SOX5: variants seen among roughly 807,000 people sequenced by gnomAD.
SOX5 encodes SRY-box transcription factor 5, also known as transcription factor SOX-5.
SOX5 carries 9 observed loss-of-function variants against 92.0 expected under a neutral mutation model. The observed-to-expected ratio is 0.10, with a 90% CI of 0.06 to 0.17. SOX5 has a LOEUF of 0.17. Among genes scored for constraint, SOX5 ranks in the 10% least tolerant of loss-of-function variants. The pLI, the probability that SOX5 is intolerant of heterozygous loss-of-function variation, is 1.00. For synonymous variants in SOX5, 344 were observed against 336.3 expected (o/e 1.02, Z -0.25); for missense variants, 642 against 944.5 (o/e 0.68, Z 4.20).
At position 23,534,667 on chromosome 12, in the gene SOX5, C is replaced by T. The variant is rs573245637; in HGVS notation, c.1989-145G>A. 1.6e-5 allele frequency: 10 copies of T among 624,220 alleles called. No individual in the cohort carries two copies. In the African/African-American group the frequency reaches 1.9e-4, roughly 12 times the overall value. 38.7% of individuals were successfully genotyped at this position (624,220 alleles called of 1,614,324 possible). On this transcript the variant is annotated intron_variant, in intron 14 of 14. Transcript: ENST00000451604. Reference sequence around the variant, plus strand: ...TGCCTAACATTTTTCAAACTCCATCCTACTTGAACTTTAATACCTTGTTTT... The same window carrying T: ...TGCCTAACATTTTTCAAACTCCATCTTACTTGAACTTTAATACCTTGTTTT...
chr12:24,384,020 T>C (rs770111745), intron 1 of SOX5, among the ~76,000 whole-genome samples: 79 of 152,162 alleles, frequency 5.2e-4, no homozygotes, highest in Admixed American at 1.9e-3. Flanking sequence ...CCCCCTTTGC[T>C]TGGCACTTCT....
At chr12:23,675,260 T>A (rs1371948050) in intron 6 of SOX5, among the ~76,000 whole-genome samples, 1 of 152,218 alleles carries the variant, frequency 6.6e-6, no homozygotes, top group Non-Finnish European at 1.5e-5. Flanking sequence ...ATCTTGCCTA[T>A]GTTGGTTTGC....
chr12:23,818,954 A>G lies in SOX5; in HGVS notation c.481+27029T>C, dbSNP rs77613472. Among the ~76,000 whole-genome samples the G allele has an allele frequency of 2.4e-3, 358 of 152,316 alleles. 4 individuals are homozygous for G. Among genetic ancestry groups the G allele is most frequent in the African/African-American group, 8.3e-3 (344 of 41,564 alleles). On this transcript the variant is annotated intron_variant, in intron 3 of 14. Transcript: ENST00000451604. ...TGAGACCCCCCTGTGATCTCCTATG[A>G]TAACAATGCCTTCTTCTGGAATACT... is the stretch of plus-strand genomic sequence containing the variant.
intron 3 of SOX5, among the ~76,000 whole-genome samples, chr12:24,263,131 CAGG>C (rs1430685045): frequency 1.3e-5 from 2 of 152,042 alleles, no homozygotes; most frequent in African/African-American, 4.8e-5. Context: ...GAGGCTGAGA[CAGG>C]AGAATTGCTT....
chr12:24,121,369 A>T (rs1017810837), intron 4 of SOX5, among the ~76,000 whole-genome samples: 1 of 152,192 alleles, frequency 6.6e-6, no homozygotes, highest in African/African-American at 2.4e-5. Flanking sequence ...AACAGAATCT[A>T]GTTCAAGCCA....
At chr12:23,570,922 AAAAAAAAAATATATATAT>A (rs1164570321) in intron 10 of SOX5, among the ~76,000 whole-genome samples, 13 of 43,130 alleles carry the variant, frequency 3.0e-4, no homozygotes, top group African/African-American at 8.5e-4. Flanking sequence ...AAAAAAAAAA[AAAAAAAAAATATATATAT>A]ATATATATAT....
At chr12:24,230,591 C>T (rs570999859) in intron 3 of SOX5, 3 of 152,204 alleles carry the variant, frequency 2.0e-5, no homozygotes, top group East Asian at 3.9e-4. Flanking sequence ...AAGAGAGGGA[C>T]TCCGAGGAAG....
At chr12:23,899,912 G>A (rs751896823) in intron 1 of SOX5, among the ~76,000 whole-genome samples, 4 of 152,134 alleles carry the variant, frequency 2.6e-5, no homozygotes, top group Admixed American at 6.6e-5. Context: ...AGTTCAGTCC[G>A]TAGATCAAAT....
At chr12:24,356,392 T>A (rs1954828862) in intron 2 of SOX5, among the ~76,000 whole-genome samples, 1 of 152,218 alleles carries the variant, frequency 6.6e-6, no homozygotes, top group South Asian at 2.1e-4. Context: ...TTTTCTGGTT[T>A]CTTTCTTTGC....
chr12:24,214,068 G>A (rs1261166807), intron 3 of SOX5, among the ~76,000 whole-genome samples: 3 of 151,850 alleles, frequency 2.0e-5, no homozygotes, highest in Non-Finnish European at 4.4e-5. Context: ...AAAACTTATG[G>A]AATACATGTA....
chr12:24,519,558 G>A (rs1950086573), intron 1 of SOX5, among the ~76,000 whole-genome samples: 1 of 152,158 alleles, frequency 6.6e-6, no homozygotes, highest in Non-Finnish European at 1.5e-5. Flanking sequence ...GCAGAAACAG[G>A]ATGTACTAAA....
intron 4 of SOX5, among the ~76,000 whole-genome samples, chr12:24,002,291 A>G (rs1403476749): frequency 6.6e-6 from 1 of 152,136 alleles, no homozygotes; most frequent in African/African-American, 2.4e-5. Context: ...TAAAAAGATC[A>G]ATAAAATTGA....
chr12:24,206,489 T>C (rs1259515679), intron 4 of SOX5, among the ~76,000 whole-genome samples: 2 of 152,190 alleles, frequency 1.3e-5, no homozygotes, highest in South Asian at 2.1e-4. Context: ...ATGATACTAG[T>C]GACAGCATTT....
intron 1 of SOX5, among the ~76,000 whole-genome samples, chr12:24,417,445 A>G: frequency 6.6e-6 from 1 of 152,198 alleles, no homozygotes; most frequent in East Asian, 1.9e-4. Flanking sequence ...GGCTCTTTAT[A>G]CTTCCCTTTC....
chr12:24,223,997 G>A (rs186572586), intron 3 of SOX5, among the ~76,000 whole-genome samples: 23 of 152,280 alleles, frequency 1.5e-4, no homozygotes, highest in Non-Finnish European at 1.0e-4. Flanking sequence ...AAAGGTGGTC[G>A]CATGAACTAA....
chr12:23,980,253 C>A (rs1949448932), intron 4 of SOX5, among the ~76,000 whole-genome samples: 4 of 152,164 alleles, frequency 2.6e-5, no homozygotes, highest in African/African-American at 7.2e-5. Context: ...AACTAAGTTT[C>A]TGAATGACTG....
In SOX5 at chr12:23,755,760, T is replaced by C. The variant is rs780028090; in HGVS notation, c.482-36A>G. 8.9e-6 allele frequency: 12 copies of C among 1,347,068 alleles called. No individual in the cohort carries two copies. The South Asian group carries it at 1.4e-4, about 16-fold the overall frequency. The allele number at this position is 1,347,068 out of a possible 1,614,324, so 83.4% of individuals were successfully genotyped here. On this transcript the variant is annotated intron_variant, in intron 3 of 14. Coordinates refer to ENST00000451604, the MANE Select transcript of SOX5 (RefSeq NM_006940.6). ...AAAAAAAGAAGTGAGCAAATCAACATGACTCTCCTTACAATGGAGCTCATT... is the reference window on the plus strand; with the variant it reads ...AAAAAAAGAAGTGAGCAAATCAACACGACTCTCCTTACAATGGAGCTCATT...
At chr12:24,085,975 T>C (rs1394201360) in intron 4 of SOX5, among the ~76,000 whole-genome samples, 3 of 151,850 alleles carry the variant, frequency 2.0e-5, no homozygotes, top group East Asian at 3.9e-4. Flanking sequence ...AAAAAAAGTA[T>C]TTGAAATTAC....
chr12:23,997,796 C>T (rs1951181351), intron 4 of SOX5, among the ~76,000 whole-genome samples: 1 of 152,026 alleles, frequency 6.6e-6, no homozygotes, highest in Non-Finnish European at 1.5e-5. Flanking sequence ...CCTAGGAAGA[C>T]AGATTTTAAA....
Sources: allele counts gnomAD v4.1 joint callset (sites outside exome capture counted in the v4.1 genomes callset), GRCh38; gene constraint gnomAD v4.1.1; transcripts MANE v1.5; gene names NCBI Gene and HGNC (gene_info 2026-07-23, HGNC 2026-07-21).